The following SNX30 variants were observed in gnomAD, a reference collection of about 807,000 sequenced individuals.
SNX30 encodes sorting nexin-30.
SNX30 carries 24 observed loss-of-function variants against 46.4 expected under a neutral mutation model. That is an observed-to-expected ratio of 0.52 (90% CI 0.37 to 0.73). The LOEUF (loss-of-function observed/expected upper bound fraction) is 0.73, where lower values mean the gene tolerates loss of function less well. Ranked by LOEUF, SNX30 falls within the 30% of genes least tolerant of loss-of-function variation. The pLI is 0.00. For missense variants in SNX30, 533 were observed against 555.7 expected (o/e 0.96, Z 0.41); for synonymous variants, 189 against 211.5 (o/e 0.89, Z 0.92).
At chr9:112,817,643 T>C (rs1234208150) in intron 2 of SNX30, 62 bp from the exon 3 acceptor site, 8 of 997,550 alleles carry the variant, frequency 8.0e-6, no homozygotes, top group African/African-American at 1.6e-5. Context: ...GCTTTTTTCC[T>C]TCCCTTCAGC....
At chr9:112,824,299 T>C (rs1214333173) in intron 3 of SNX30, among the ~76,000 whole-genome samples, 1 of 149,856 alleles carries the variant, frequency 6.7e-6, no homozygotes, top group African/African-American at 2.4e-5. Context: ...AACCCTGAAA[T>C]ATTTAATGGA....
intron 1 of SNX30, among the ~76,000 whole-genome samples, chr9:112,773,141 G>T (rs1012655580): frequency 6.6e-6 from 1 of 152,198 alleles, no homozygotes. Context: ...TTGCAGCTGC[G>T]TAGAGAGAAT....
At chr9:112,835,469 C>A (rs1160981023) in intron 4 of SNX30, among the ~76,000 whole-genome samples, 1 of 146,044 alleles carries the variant, frequency 6.8e-6, no homozygotes, top group Non-Finnish European at 1.5e-5. Flanking sequence ...CCATGCCCAA[C>A]TAATTTTTTT....
chr9:112,865,651 ATATAT>A (rs1564297162), intron 8 of SNX30, among the ~76,000 whole-genome samples: 1 of 86,148 alleles, frequency 1.2e-5, no homozygotes, highest in African/African-American at 3.8e-5. Context: ...ATATATATAT[ATATAT>A]ATATATGTAT....
chr9:112,879,727 T>A (rs764836555), downstream of SNX30: 56 of 1,595,338 alleles, frequency 3.5e-5, no homozygotes, highest in Admixed American at 5.0e-5. Flanking sequence ...GGCCTGGCCA[T>A]GGCTGATGTT....
At chr9:112,761,059 G>A (rs1417260265) in intron 1 of SNX30, among the ~76,000 whole-genome samples, 1 of 152,200 alleles carries the variant, frequency 6.6e-6, no homozygotes, top group African/African-American at 2.4e-5. Flanking sequence ...GACGAGGTGG[G>A]TAGACAGGTC....
intron 1 of SNX30, among the ~76,000 whole-genome samples, chr9:112,771,067 C>T: frequency 6.6e-6 from 1 of 151,926 alleles, no homozygotes; most frequent in East Asian, 2.0e-4. Context: ...TTATTCTCCC[C>T]CTTTACCTGG....
chr9:112,825,100 C>T (rs936760183), intron 3 of SNX30, among the ~76,000 whole-genome samples: 1 of 152,198 alleles, frequency 6.6e-6, no homozygotes, highest in African/African-American at 2.4e-5. Flanking sequence ...CTTGGCTATA[C>T]AACAAGAAGT....
intron 6 of SNX30, 109 bp downstream of exon 6, chr9:112,838,806 G>C (rs770060552): frequency 1.9e-5 from 20 of 1,052,684 alleles, no homozygotes; most frequent in Non-Finnish European, 2.6e-5. Context: ...CCTTCTTCCT[G>C]GGTGGGCAGG....
intron 1 of SNX30, among the ~76,000 whole-genome samples, chr9:112,761,362 C>T (rs1839433308): frequency 1.3e-5 from 2 of 152,058 alleles, no homozygotes; most frequent in Non-Finnish European, 2.9e-5. Flanking sequence ...GGGGTTTCAC[C>T]ATGTTGGCTA....
intron 6 of SNX30, among the ~76,000 whole-genome samples, chr9:112,842,568 G>A (rs1443444485): frequency 2.6e-5 from 4 of 152,202 alleles, no homozygotes; most frequent in Non-Finnish European, 5.9e-5. Flanking sequence ...TTGTTGACAC[G>A]AAGAAACAGA....
chr9:112,790,998 T>A (rs1174221795), intron 1 of SNX30, among the ~76,000 whole-genome samples: 1 of 152,244 alleles, frequency 6.6e-6, no homozygotes, highest in East Asian at 1.9e-4. Context: ...GGCTTTGTGA[T>A]TTAAAAGGTC....
At chr9:112,832,790 A>T (rs1175008812) in intron 4 of SNX30, among the ~76,000 whole-genome samples, 1 of 147,384 alleles carries the variant, frequency 6.8e-6, no homozygotes, top group African/African-American at 2.5e-5. Flanking sequence ...AAAAAATTTA[A>T]AAAAAATTAG....
intron 7 of SNX30, among the ~76,000 whole-genome samples, chr9:112,861,428 A>T (rs1841229437): frequency 6.6e-6 from 1 of 152,090 alleles, no homozygotes; most frequent in Non-Finnish European, 1.5e-5. Context: ...GAGGCGGAGG[A>T]TATTATTAGC....
At chr9:112,769,936 C>G (rs1839618739) in intron 1 of SNX30, among the ~76,000 whole-genome samples, 2 of 152,060 alleles carry the variant, frequency 1.3e-5, no homozygotes, top group African/African-American at 4.8e-5. Context: ...CCTAAGCCAT[C>G]AGCAAGTGCT....
intron 3 of SNX30, 25 bp from the exon 4 acceptor site, chr9:112,830,700 G>T: frequency 6.3e-7 from 1 of 1,597,266 alleles, no homozygotes; most frequent in South Asian, 1.1e-5. Flanking sequence ...CAATTACTCT[G>T]GTTTTTTTCT....
intron 7 of SNX30, among the ~76,000 whole-genome samples, chr9:112,855,783 C>G (rs1225864625): frequency 6.6e-6 from 1 of 152,072 alleles, no homozygotes; most frequent in East Asian, 1.9e-4. Context: ...GGAGACTTGG[C>G]CTTCTCCATG....
chr9:112,795,789 A>ACACACACACACG (rs1564272330), intron 1 of SNX30, among the ~76,000 whole-genome samples: 2 of 151,840 alleles, frequency 1.3e-5, no homozygotes, highest in Non-Finnish European at 2.9e-5. Flanking sequence ...ACACACACAC[A>ACACACACACACG]CACACACGCA....
At chr9:112,767,121 T>TA (rs1554748138) in intron 1 of SNX30, among the ~76,000 whole-genome samples, 5,853 of 144,814 alleles carry the variant, frequency 0.04, 384 homozygotes, top group African/African-American at 0.14. Flanking sequence ...CACTAATTAT[T>TA]TTATTTTTTT....
Sources: gnomAD v4.1 joint callset for allele counts (sites outside exome capture counted in the v4.1 genomes callset) on GRCh38, gnomAD v4.1.1 for gene constraint, MANE v1.5 for transcripts, NCBI Gene and HGNC (gene_info 2026-07-23, HGNC 2026-07-21) for gene names.